GPC5: variants seen among roughly 807,000 people sequenced by gnomAD.
The protein encoded by GPC5 is glypican 5.
In GPC5, 47 loss-of-function variants were observed where a neutral mutation model predicts 53.9. The observed-to-expected ratio is 0.87, with a 90% CI of 0.69 to 1.11. The LOEUF (loss-of-function observed/expected upper bound fraction) is 1.11. GPC5 is among the 50% of genes most tolerant of loss of function. The probability of loss-of-function intolerance (pLI) is 0.00; values close to 1 mark genes in which losing one functional copy is unlikely to be tolerated. For synonymous variants in GPC5, 286 were observed against 263.3 expected, an observed-to-expected ratio of 1.09 and a Z score of -0.84; for missense variants, 748 against 713.1, an observed-to-expected ratio of 1.05 and a Z score of -0.56.
At chr13:92,268,295 T>C (rs1032893763) in intron 7 of GPC5, among the ~76,000 whole-genome samples, 12 of 152,012 alleles carry the variant, frequency 7.9e-5, no homozygotes, top group South Asian at 2.1e-4. Flanking sequence ...TTTTGACATA[T>C]ATAAAGTACA....
chr13:91,404,723 G>A (rs1877194273), intron 1 of GPC5, among the ~76,000 whole-genome samples: 1 of 152,188 alleles, frequency 6.6e-6, no homozygotes, highest in Non-Finnish European at 1.5e-5. Flanking sequence ...AGAAAGAAAA[G>A]AAGATGTTAT....
rs188863859 is a variant in GPC5 at position 91,805,941 on chromosome 13, T to A, written c.1280+49521T>A. The stretch of plus-strand genomic sequence containing the variant: ...TTTTAGCAGTGGACTAAGATTCGCC[T>A]TTTTAAAATATGTGGAAAAGTTTCT... On this transcript the variant is annotated intron_variant, in intron 5 of 7. Coordinates refer to ENST00000377067, the MANE Select transcript of GPC5 (RefSeq NM_004466.6). Among the ~76,000 whole-genome samples the A allele has an allele frequency of 4.0e-4, 61 of 152,062 alleles. 1 individual carries two copies. Among genetic ancestry groups the A allele is most frequent in the African/African-American group, 1.4e-3 (60 of 41,486 alleles).
chr13:91,938,700 A>G lies in GPC5; in HGVS notation c.1401+30643A>G, dbSNP rs73628752. On this transcript the variant is annotated intron_variant, in intron 6 of 7. Coordinates refer to ENST00000377067, the MANE Select transcript of GPC5 (RefSeq NM_004466.6). ...TATAAGAAAGGTACTTAATTCTTCCATGGTATATTTTATCTGTCCTTATGA... is the reference window on the plus strand; with the variant it reads ...TATAAGAAAGGTACTTAATTCTTCCGTGGTATATTTTATCTGTCCTTATGA... Among the ~76,000 whole-genome samples, 650 of 152,274 alleles carry G rather than the reference A, an allele frequency of 4.3e-3. 6 individuals carry two copies. Among genetic ancestry groups the G allele is most frequent in the African/African-American group, 0.015 (616 of 41,574 alleles).
At chr13:92,578,256 A>G (rs1883251265) in intron 7 of GPC5, among the ~76,000 whole-genome samples, 1 of 152,198 alleles carries the variant, frequency 6.6e-6, no homozygotes, top group Non-Finnish European at 1.5e-5. Flanking sequence ...TAGCACTAAA[A>G]GTATGCAACT....
chr13:92,675,559 T>C (rs1475716287), intron 7 of GPC5, among the ~76,000 whole-genome samples: 1 of 150,018 alleles, frequency 6.7e-6, no homozygotes, highest in African/African-American at 2.4e-5. Flanking sequence ...GAAAGTGTGA[T>C]TAATGTATTT....
At chr13:91,833,580 G>A (rs536564690) in intron 5 of GPC5, among the ~76,000 whole-genome samples, 1 of 151,516 alleles carries the variant, frequency 6.6e-6, no homozygotes, top group African/African-American at 2.4e-5. Flanking sequence ...CCCTGGGATG[G>A]TTCAACATAT....
At chr13:91,630,237 G>A (rs2139419652) in intron 2 of GPC5, among the ~76,000 whole-genome samples, 2 of 152,184 alleles carry the variant, frequency 1.3e-5, no homozygotes. Context: ...AACTTCTACT[G>A]AGATTTTAAG....
chr13:91,943,342 A>G (rs948007315), intron 6 of GPC5, among the ~76,000 whole-genome samples: 21 of 151,392 alleles, frequency 1.4e-4, no homozygotes, highest in African/African-American at 4.9e-4. Context: ...TTATTGCTTC[A>G]CTGAAGCTTT....
At chr13:92,123,973 T>C (rs1287535244) in intron 6 of GPC5, among the ~76,000 whole-genome samples, 1 of 152,164 alleles carries the variant, frequency 6.6e-6, no homozygotes, top group Non-Finnish European at 1.5e-5. Flanking sequence ...ACGATAGTAC[T>C]GAAAAGTCCT....
intron 5 of GPC5, among the ~76,000 whole-genome samples, chr13:91,765,907 T>G (rs1466318042): frequency 6.6e-6 from 1 of 152,176 alleles, no homozygotes; most frequent in Non-Finnish European, 1.5e-5. Context: ...GTTTTCTGAG[T>G]GAGTAATCAT....
Position 92,385,710 on chromosome 13 carries a change from CACATATAT to C in GPC5, c.1561+240734_1561+240741del, listed in dbSNP as rs1261762488. 3.5e-4 allele frequency among the ~76,000 whole-genome samples: 46 copies of C among 132,596 alleles called. 1 individual carries two copies. The highest frequency in any genetic ancestry group is 1.0e-3 in the African/African-American group (36 of 35,700). 87.0% of individuals were successfully genotyped at this position (132,596 alleles called of 152,430 possible). The stretch of plus-strand genomic sequence containing the variant: ...ATATATACCTATATACACATATATA[CACATATAT>C]ACATATATACATGTATATATACGTA... On this transcript the variant is annotated intron_variant, in intron 7 of 7. Transcript: ENST00000377067.
At chr13:92,324,900 T>G (rs912770564) in intron 7 of GPC5, among the ~76,000 whole-genome samples, 2 of 151,972 alleles carry the variant, frequency 1.3e-5, no homozygotes, top group Non-Finnish European at 2.9e-5. Context: ...TTTATCATTA[T>G]CTTGGCACCC....
intron 7 of GPC5, among the ~76,000 whole-genome samples, chr13:92,421,566 G>A (rs764323356): frequency 1.4e-4 from 21 of 151,814 alleles, no homozygotes; most frequent in Non-Finnish European, 2.4e-4. Flanking sequence ...GGGCGTGGTG[G>A]CGGGCACCTG....
At chr13:92,445,729 G>A (rs1012099292) in intron 7 of GPC5, among the ~76,000 whole-genome samples, 5 of 151,808 alleles carry the variant, frequency 3.3e-5, no homozygotes, top group Admixed American at 6.6e-5. Flanking sequence ...TGGACGTTTG[G>A]GTTGGTTCCA....
intron 7 of GPC5, among the ~76,000 whole-genome samples, chr13:92,438,196 A>T (rs2139382193): frequency 6.6e-6 from 1 of 152,048 alleles, no homozygotes; most frequent in South Asian, 2.1e-4. Context: ...ACAATAAAAT[A>T]CGAGCTGTAT....
chr13:91,809,081 G>C (rs554734140), intron 5 of GPC5, among the ~76,000 whole-genome samples: 33 of 152,206 alleles, frequency 2.2e-4, no homozygotes, highest in African/African-American at 7.9e-4. Flanking sequence ...TTTTAAGGTA[G>C]AAAAGGATTA....
rs562944651 is a variant in GPC5, at chr13:91,744,144, C to A, written c.1155-12151C>A. Among the ~76,000 whole-genome samples the A allele has an allele frequency of 4.5e-4, 69 of 152,208 alleles. No homozygotes were observed. The South Asian group carries it at 6.0e-3, about 13-fold the overall frequency. The stretch of plus-strand genomic sequence containing the variant: ...CAATTTAAGTTAGGCCTTATATAAA[C>A]AAACACATATATGGATTAACATAAT... On this transcript the variant is annotated intron_variant, in intron 4 of 7. Coordinates refer to ENST00000377067, the MANE Select transcript of GPC5 (RefSeq NM_004466.6).
intron 7 of GPC5, among the ~76,000 whole-genome samples, chr13:92,768,153 A>T (rs1875476488): frequency 6.6e-6 from 1 of 152,342 alleles, no homozygotes; most frequent in South Asian, 2.1e-4. Flanking sequence ...TTCTAACATA[A>T]TTGCAGTTTT....
intron 7 of GPC5, among the ~76,000 whole-genome samples, chr13:92,552,688 T>C (rs1273073202): frequency 6.6e-6 from 1 of 151,970 alleles, no homozygotes; most frequent in African/African-American, 2.4e-5. Flanking sequence ...ACTCACGTAC[T>C]CAGTAGATTT....
Sources: gnomAD v4.1 joint callset for allele counts (sites outside exome capture counted in the v4.1 genomes callset) on GRCh38, gnomAD v4.1.1 for gene constraint, MANE v1.5 for transcripts, NCBI Gene and HGNC (gene_info 2026-07-23, HGNC 2026-07-21) for gene names.